Variants in ASIC2 observed in about 807,000 individuals in gnomAD.
The protein encoded by ASIC2 is acid-sensing ion channel 2.
A neutral mutation model predicts 57.3 loss-of-function variants in ASIC2; 25 were observed. The observed-to-expected ratio is 0.44, with a 90% CI of 0.32 to 0.61. The LOEUF is 0.61. Among genes scored for constraint, ASIC2 ranks in the 20% least tolerant of loss-of-function variants. ASIC2 has a pLI of 0.06. For synonymous variants in ASIC2, 319 were observed against 307.5 expected (o/e 1.04, Z -0.39); for missense variants, 641 against 738.1 (o/e 0.87, Z 1.52).
intron 1 of ASIC2, among the ~76,000 whole-genome samples, chr17:33,140,482 A>G (rs896713020): frequency 1.3e-5 from 2 of 152,174 alleles, no homozygotes; most frequent in South Asian, 2.1e-4. Flanking sequence ...TCTCCTTTCT[A>G]TGATGGGAAT....
At chr17:33,751,784 T>C (rs1234086669) in intron 1 of ASIC2, among the ~76,000 whole-genome samples, 1 of 152,030 alleles carries the variant, frequency 6.6e-6, no homozygotes, top group Non-Finnish European at 1.5e-5. Flanking sequence ...CTCCAGCTGA[T>C]GGAGGGTCAG....
At chr17:33,857,511 G>C (rs558515168) in intron 1 of ASIC2, among the ~76,000 whole-genome samples, 3 of 152,094 alleles carry the variant, frequency 2.0e-5, no homozygotes, top group Admixed American at 1.3e-4. Flanking sequence ...AAGAGAAGAA[G>C]AAAAAACAAA....
At chr17:33,286,776 T>C (rs980879904) in intron 1 of ASIC2, among the ~76,000 whole-genome samples, 1 of 152,210 alleles carries the variant, frequency 6.6e-6, no homozygotes, top group Non-Finnish European at 1.5e-5. Context: ...ACGCTCCTGG[T>C]ATCTATTCAC....
At chr17:33,706,974 A>C (rs1324615446) in intron 1 of ASIC2, among the ~76,000 whole-genome samples, 1 of 152,214 alleles carries the variant, frequency 6.6e-6, no homozygotes. Flanking sequence ...GTAGCTTCTG[A>C]AGAAAGGGTG....
rs1031943796 is a variant in ASIC2, at chr17:33,410,917, G to A, written c.556-298850C>T. Among the ~76,000 whole-genome samples the A allele has an allele frequency of 1.5e-4, 22 of 151,554 alleles. No individual in the cohort carries two copies. The Middle Eastern group carries it at 0.017, about 117-fold the overall frequency. ...AAGTGGATGCCAGTAGACGCTTATT[G>A]GAACTGTGTCTGGCACATAGAAGAC... is the stretch of plus-strand genomic sequence containing the variant. On this transcript the variant is annotated intron_variant, in intron 1 of 9. Coordinates refer to the ASIC2 transcript ENST00000359872.
At chr17:33,686,128 T>A (rs1041780655) in intron 1 of ASIC2, among the ~76,000 whole-genome samples, 1 of 152,284 alleles carries the variant, frequency 6.6e-6, no homozygotes, top group East Asian at 1.9e-4. Flanking sequence ...AGTGGGTTTC[T>A]GAGTTCTTAA....
chr17:33,043,645 A>G (rs2091938408), intron 3 of ASIC2, among the ~76,000 whole-genome samples: 1 of 152,214 alleles, frequency 6.6e-6, no homozygotes, highest in African/African-American at 2.4e-5. Flanking sequence ...CAAACCACAC[A>G]TTGCTAAATA....
At chr17:33,397,387 T>G (rs1910115897) in intron 1 of ASIC2, among the ~76,000 whole-genome samples, 1 of 152,170 alleles carries the variant, frequency 6.6e-6, no homozygotes, top group South Asian at 2.1e-4. Context: ...GGATGTGAGC[T>G]CCTTTGGTAG....
At chr17:33,738,554 GT>G (rs753693527) in intron 1 of ASIC2, among the ~76,000 whole-genome samples, 3 of 152,164 alleles carry the variant, frequency 2.0e-5, no homozygotes, top group Non-Finnish European at 1.5e-5. Context: ...ATAAGCTTCA[GT>G]TTCCCCCAGT....
At chr17:33,980,373 G>A (rs912573050) in intron 1 of ASIC2, among the ~76,000 whole-genome samples, 1 of 152,182 alleles carries the variant, frequency 6.6e-6, no homozygotes, top group Non-Finnish European at 1.5e-5. Context: ...AACTTCCCCA[G>A]ATGAGCTTAG....
intron 1 of ASIC2, among the ~76,000 whole-genome samples, chr17:33,173,000 T>G (rs1905586676): frequency 6.6e-6 from 1 of 152,218 alleles, no homozygotes; most frequent in Non-Finnish European, 1.5e-5. Context: ...TTAATCAGTT[T>G]GGTCACAGTT....
intron 1 of ASIC2, among the ~76,000 whole-genome samples, chr17:33,214,017 G>T (rs1303260351): frequency 6.6e-6 from 1 of 151,632 alleles, no homozygotes; most frequent in Admixed American, 6.6e-5. Flanking sequence ...GGTATAATGT[G>T]CACACTTCCC....
intron 1 of ASIC2, among the ~76,000 whole-genome samples, chr17:33,958,276 C>G (rs1591560): frequency 0.49 from 74,606 of 151,998 alleles, 19,028 homozygotes; most frequent in African/African-American, 0.6. Context: ...TCTGGAGGAT[C>G]GTGGTCCTCT....
chr17:34,025,591 T>G (rs1469480357), intron 1 of ASIC2, among the ~76,000 whole-genome samples: 4 of 152,206 alleles, frequency 2.6e-5, no homozygotes, highest in Non-Finnish European at 1.5e-5. Context: ...TTCAGAAAAA[T>G]GTGGTTTTTT....
At position 33,750,292 on chromosome 17, in the gene ASIC2, G is replaced by A. The variant is rs115641427; in HGVS notation, c.555+405686C>T. Reference sequence around the variant, plus strand: ...AACCCCTTCCTCTTTCCTGGACTTTGGTTCCTCATCCTTAAATGAACAGAT... The same window carrying A: ...AACCCCTTCCTCTTTCCTGGACTTTAGTTCCTCATCCTTAAATGAACAGAT... On this transcript the variant is annotated intron_variant, in intron 1 of 9. Coordinates refer to the ASIC2 transcript ENST00000359872. 8.4e-3 allele frequency among the ~76,000 whole-genome samples: 1,279 copies of A among 152,234 alleles called. 16 individuals are homozygous for A. Among genetic ancestry groups the A allele is most frequent in the African/African-American group, 0.028 (1,174 of 41,528 alleles).
At position 33,013,783 on chromosome 17, in the gene ASIC2, CA is replaced by C; in HGVS notation, c.*181del. ...CCTAAGAGGGACGCACGGCGGGGCC[CA>C]AGGATGCGTCGTGTTGGACGTGGCC... On this transcript the variant is annotated 3_prime_UTR_variant, in exon 10 of 10. Transcript: ENST00000225823. 1.6e-6 allele frequency: 1 copy of C among 626,176 alleles called. No individual in the cohort carries two copies. The highest frequency in any genetic ancestry group is 2.9e-6 in the Non-Finnish European group (1 of 348,026). 38.8% of individuals were successfully genotyped at this position (626,176 alleles called of 1,614,324 possible). A position where few individuals can be genotyped will look rare whatever the true frequency, so the allele number is the denominator to read the frequency against.
chr17:33,188,470 C>A (rs1399673992), intron 1 of ASIC2, among the ~76,000 whole-genome samples: 1 of 152,030 alleles, frequency 6.6e-6, no homozygotes, highest in Non-Finnish European at 1.5e-5. Flanking sequence ...AATCAATGAA[C>A]TGCAAATATA....
At chr17:33,633,467 G>A (rs1240758527) in intron 1 of ASIC2, among the ~76,000 whole-genome samples, 1 of 152,198 alleles carries the variant, frequency 6.6e-6, no homozygotes, top group Non-Finnish European at 1.5e-5. Flanking sequence ...AAGCTTGGGT[G>A]CCCCAAACTT....
At chr17:33,097,945 C>T (rs2092190280) in intron 2 of ASIC2, among the ~76,000 whole-genome samples, 2 of 152,168 alleles carry the variant, frequency 1.3e-5, no homozygotes, top group South Asian at 4.2e-4. Flanking sequence ...AGAAGTGCAT[C>T]AAGGAAAACA....
Sources: allele counts gnomAD v4.1 joint callset (sites outside exome capture counted in the v4.1 genomes callset), GRCh38; gene constraint gnomAD v4.1.1; transcripts MANE v1.5; gene names NCBI Gene and HGNC (gene_info 2026-07-23, HGNC 2026-07-21).